PCDHA9: variants seen among roughly 807,000 people sequenced by gnomAD.
PCDHA9 encodes the protein protocadherin alpha 9, also known as protocadherin alpha-9.
Under a neutral mutation model 62.0 loss-of-function variants are expected in PCDHA9, and 62 were observed. The observed-to-expected ratio is 1.00, with a 90% CI of 0.81 to 1.23. The LOEUF (loss-of-function observed/expected upper bound fraction) is 1.23. PCDHA9 is among the 50% of genes most tolerant of loss of function. The pLI is 0.00. For missense variants in PCDHA9, 1,205 were observed against 1,249.8 expected (o/e 0.96, Z 0.54); for synonymous variants, 557 against 567.6 (o/e 0.98, Z 0.27).
chr5:140,877,607 T>C (rs782533203), intron 1 of PCDHA9: 5 of 1,613,712 alleles, frequency 3.1e-6, no homozygotes. Flanking sequence ...AGCCTGCTGG[T>C]GCTCACGCTG....
chr5:140,960,308 C>A (rs1387326739), intron 1 of PCDHA9, among the ~76,000 whole-genome samples: 1 of 152,122 alleles, frequency 6.6e-6, no homozygotes, highest in African/African-American at 2.4e-5. Flanking sequence ...CAATACCAAC[C>A]TCATTAGGGT....
intron 1 of PCDHA9, chr5:140,966,271 T>C: frequency 2.8e-6 from 1 of 355,706 alleles, no homozygotes; most frequent in Non-Finnish European, 5.0e-6. Flanking sequence ...CTGGATGAAC[T>C]GGACAGTGGG....
chr5:140,966,731 G>T, intron 1 of PCDHA9: 8 of 1,405,136 alleles, frequency 5.7e-6, no homozygotes, highest in Non-Finnish European at 7.4e-6. Context: ...TGCCGCCTCC[G>T]GCCCTGCCCG....
intron 1 of PCDHA9, among the ~76,000 whole-genome samples, chr5:140,954,172 T>C (rs1297030972): frequency 6.6e-6 from 1 of 152,246 alleles, no homozygotes; most frequent in Non-Finnish European, 1.5e-5. Flanking sequence ...ATTTTCTTTA[T>C]CCAGTCTATC....
chr5:140,982,354 A>G, intron 2 of PCDHA9, 121 bp from the exon 3 acceptor site: 2 of 1,512,522 alleles, frequency 1.3e-6, no homozygotes, highest in East Asian at 2.4e-5. Flanking sequence ...CAGTTCAAGC[A>G]TGAGCAGAAT....
chr5:140,869,005 G>C, intron 1 of PCDHA9: 1 of 1,521,546 alleles, frequency 6.6e-7, no homozygotes, highest in Non-Finnish European at 8.8e-7. Context: ...AGGATCCTTT[G>C]AAACTTCTTA....
chr5:140,885,319 T>C (rs2060561832), intron 1 of PCDHA9, among the ~76,000 whole-genome samples: 1 of 152,216 alleles, frequency 6.6e-6, no homozygotes, highest in Admixed American at 6.5e-5. Context: ...TGTTATTATT[T>C]CTTTTCCAAA....
chr5:140,944,909 C>A (rs1320536064), intron 1 of PCDHA9, among the ~76,000 whole-genome samples: 1 of 152,136 alleles, frequency 6.6e-6, no homozygotes, highest in African/African-American at 2.4e-5. Flanking sequence ...CCACAAACTT[C>A]TCTTTATATT....
intron 1 of PCDHA9, chr5:140,869,653 A>G: frequency 6.2e-7 from 1 of 1,613,586 alleles, no homozygotes. Flanking sequence ...AGATTCACCA[A>G]CAAATGGTAA....
At chr5:140,877,958 C>A in intron 1 of PCDHA9, 1 of 1,319,110 alleles carries the variant, frequency 7.6e-7, no homozygotes, top group Non-Finnish European at 1.0e-6. Flanking sequence ...AATGTCTCAT[C>A]TTTCTTGGTC....
rs2150475215 is a variant in PCDHA9 at position 140,850,243 on chromosome 5, G to C, written c.1748G>C (p.Arg583Pro). 8.4e-5 allele frequency: 134 copies of C among 1,593,880 alleles called. 16 individuals are homozygous for C. Among genetic ancestry groups the C allele is most frequent in the South Asian group, 5.0e-4 (45 of 90,414 alleles). Residue 583 changes from arginine to proline, a missense_variant, in exon 1 of 4, where the codon CGG becomes CCG. Transcript: ENST00000532602. ...TDGAVSEMVLRSVGAGVVVGK... is the reference protein window; with the variant it reads ...TDGAVSEMVLPSVGAGVVVGK... ...GGCGCAGTGAGCGAGATGGTGCTGC[G>C]GTCGGTGGGCGCCGGCGTAGTGGTG... is the stretch of plus-strand genomic sequence containing the variant.
At chr5:140,984,139 C>T (rs2097088415) in intron 3 of PCDHA9, among the ~76,000 whole-genome samples, 1 of 152,178 alleles carries the variant, frequency 6.6e-6, no homozygotes. Flanking sequence ...GATGTGGAGG[C>T]ATCTGGGAAG....
intron 1 of PCDHA9, chr5:140,862,418 G>A (rs868906297): frequency 8.8e-5 from 31 of 352,850 alleles, no homozygotes; most frequent in African/African-American, 6.4e-4. Flanking sequence ...AAAAGGCGCT[G>A]CCCAGAAACT....
At chr5:140,906,942 A>G (rs2073059599) in intron 1 of PCDHA9, among the ~76,000 whole-genome samples, 1 of 152,146 alleles carries the variant, frequency 6.6e-6, no homozygotes, top group Admixed American at 6.5e-5. Context: ...TGTCAATCTT[A>G]ATTTCCAGTT....
chr5:140,924,901 A>AAT (rs145282866), intron 1 of PCDHA9, among the ~76,000 whole-genome samples: 9,116 of 79,802 alleles, frequency 0.11, 381 homozygotes, highest in Middle Eastern at 0.21. Context: ...TCTCAAAAAA[A>AAT]AAAATAAAAT....
chr5:140,946,363 A>T (rs2093934761), intron 1 of PCDHA9, among the ~76,000 whole-genome samples: 1 of 151,892 alleles, frequency 6.6e-6, no homozygotes, highest in African/African-American at 2.4e-5. Flanking sequence ...AGAAAAGGGA[A>T]CTCTTGCACA....
chr5:140,969,251 A>G, intron 1 of PCDHA9: 1 of 1,614,262 alleles, frequency 6.2e-7, no homozygotes, highest in South Asian at 1.1e-5. Flanking sequence ...AGTGACTGAC[A>G]GCAGGAATCT....
chr5:140,864,430 A>G (rs2048477187), intron 1 of PCDHA9: 1 of 152,190 alleles, frequency 6.6e-6, no homozygotes, highest in South Asian at 2.1e-4. Flanking sequence ...GTCCACAAAC[A>G]ATTTTGTTTC....
Position 140,875,458 on chromosome 5 carries a change from C to T in PCDHA9, c.2394+24569C>T, listed in dbSNP as rs149655466. ...AAAACTGATTGTCCCAACTCAGAGG[C>T]CCTCATTTTCTGCAATGGTGATTAT... On this transcript the variant is annotated intron_variant, in intron 1 of 3. Transcript: ENST00000532602. The T allele has an allele frequency of 1.1e-3, 1,729 of 1,596,942 alleles. 10 individuals are homozygous for T. In the African/African-American group the frequency reaches 0.015, roughly 14 times the overall value.
Sources: gnomAD v4.1 joint callset for allele counts (sites outside exome capture counted in the v4.1 genomes callset) on GRCh38, gnomAD v4.1.1 for gene constraint, MANE v1.5 for transcripts, NCBI Gene and HGNC (gene_info 2026-07-23, HGNC 2026-07-21) for gene names.